Variants in GNPTAB observed in about 807,000 individuals in gnomAD.
GNPTAB encodes N-acetylglucosamine-1-phosphate transferase subunits alpha and beta.
Under a neutral mutation model 136.6 loss-of-function variants are expected in GNPTAB, and 92 were observed. The ratio of observed to expected loss-of-function variants is 0.67; its 90% CI spans 0.57 to 0.80. The LOEUF (loss-of-function observed/expected upper bound fraction) is 0.80, where lower values mean the gene tolerates loss of function less well. Ranked by LOEUF, GNPTAB falls within the 30% of genes least tolerant of loss-of-function variation. The pLI is 0.00. For synonymous variants in GNPTAB, 512 were observed against 535.1 expected (o/e 0.96, Z 0.60); for missense variants, 1,343 against 1,501.8 (o/e 0.89, Z 1.75).
At chr12:101,762,904 A>T (rs1485879395) in intron 13 of GNPTAB, among the ~76,000 whole-genome samples, 7 of 39,604 alleles carry the variant, frequency 1.8e-4, no homozygotes, top group African/African-American at 2.7e-4. Context: ...TTGTAAATTT[A>T]AAAAAAAAAA....
chr12:101,789,994 T>C lies in GNPTAB; in HGVS notation c.267A>G (p.Leu89=). 6.2e-7 allele frequency: 1 copy of C among 1,614,162 alleles called. No individual in the cohort carries two copies. Among genetic ancestry groups the C allele is most frequent in the Non-Finnish European group, 8.5e-7 (1 of 1,180,002 alleles). ...YTWVNGTDLE[L]LKELQQVREQ... ...CTCTGACCTGCTGTAGTTCCTTCAGTAGTTCAAGATCTGTGCCATTCACCC... is the reference window on the plus strand; with the variant it reads ...CTCTGACCTGCTGTAGTTCCTTCAGCAGTTCAAGATCTGTGCCATTCACCC... The change falls in exon 3 of 21, where the codon CTA becomes CTG. Residue 89 remains leucine (L), a synonymous_variant. Transcript: ENST00000299314.
At chr12:101,757,433 T>G (rs1218949234) in intron 17 of GNPTAB, 123 bp from the exon 18 acceptor site, 5 of 765,558 alleles carry the variant, frequency 6.5e-6, no homozygotes, top group East Asian at 5.3e-5. Flanking sequence ...AACTTAAACT[T>G]TTAATACTAC....
intron 1 of GNPTAB, among the ~76,000 whole-genome samples, chr12:101,812,269 TAAAC>T (rs1323485504): frequency 6.6e-6 from 1 of 151,716 alleles, no homozygotes; most frequent in Admixed American, 6.6e-5. Context: ...TAAATTAAAA[TAAAC>T]AACCAGATCT....
Position 101,761,169 on chromosome 12 carries a change from T to A in GNPTAB, c.3093A>T (p.Arg1031=). ...QSGVLSDREI[R]TLATRIHELP... The stretch of plus-strand genomic sequence containing the variant: ...GTTCGTGAATTCTGGTAGCCAGTGT[T>A]CGGATTTCTCTGTCAGACAAGACAC... Residue 1031 remains arginine, a synonymous_variant, in exon 15 of 21, where the codon CGA becomes CGT. Coordinates refer to ENST00000299314, the MANE Select transcript of GNPTAB (RefSeq NM_024312.5). 3 of 1,614,190 alleles carry A rather than the reference T, an allele frequency of 1.9e-6. No homozygotes were observed. The highest frequency in any genetic ancestry group is 2.5e-6 in the Non-Finnish European group (3 of 1,179,998).
intron 13 of GNPTAB, among the ~76,000 whole-genome samples, chr12:101,763,552 T>C (rs1953033873): frequency 6.6e-6 from 1 of 151,488 alleles, no homozygotes; most frequent in African/African-American, 2.4e-5. Flanking sequence ...AGCTAAGGAG[T>C]CCTCCCTCTG....
chr12:101,765,185 C>G lies in GNPTAB; in HGVS notation c.1732G>C (p.Gly578Arg). ...ATTATTGGATTGTCACTATAGGCAC[C>G]TTCAACTCCTCTTTTGGCTACTTCT... ...FAEVAKRGVE[G>R]AYSDNPIIRH... Residue 578 changes from glycine (G) to arginine (R), a missense_variant, in exon 13 of 21, where the codon GGT becomes CGT. By Grantham distance (125) the Gly-to-Arg change is moderately radical (BLOSUM62 -2). Transcript: ENST00000299314. 6.2e-7 allele frequency: 1 copy of G among 1,614,146 alleles called. No homozygotes were observed. Among genetic ancestry groups the G allele is most frequent in the Non-Finnish European group, 8.5e-7 (1 of 1,180,014 alleles).
chr12:101,805,077 GA>G (rs141869508), intron 1 of GNPTAB, among the ~76,000 whole-genome samples: 12 of 151,014 alleles, frequency 7.9e-5, no homozygotes, highest in African/African-American at 2.7e-4. Context: ...TATATCATGT[GA>G]AAAAAAAATT....
intron 1 of GNPTAB, among the ~76,000 whole-genome samples, chr12:101,811,638 C>CT (rs34690912): frequency 0.014 from 1,828 of 134,752 alleles, 12 homozygotes; most frequent in Middle Eastern, 0.034. Flanking sequence ...GTGCTACACA[C>CT]TTTTTTTTTT....
rs114026112 is a variant in GNPTAB, at chr12:101,823,218, A to G, written c.117+7341T>C. Among the ~76,000 whole-genome samples, 475 of 152,334 alleles carry G rather than the reference A, an allele frequency of 3.1e-3. 1 individual carries two copies. Among genetic ancestry groups the G allele is most frequent in the African/African-American group, 6.9e-3 (286 of 41,584 alleles). ...CTGGGCTTAGGAACGGAAAAGTGCC[A>G]TGATGAACAAGGCCGAGTCTTAGGA... On this transcript the variant is annotated intron_variant, in intron 1 of 20. Coordinates refer to ENST00000299314, the MANE Select transcript of GNPTAB (RefSeq NM_024312.5).
chr12:101,780,902 T>A (rs1953332656), intron 5 of GNPTAB, among the ~76,000 whole-genome samples: 1 of 152,034 alleles, frequency 6.6e-6, no homozygotes, highest in South Asian at 2.1e-4. Flanking sequence ...AAGACAGAAA[T>A]GATAGGATGA....
intron 19 of GNPTAB, 106 bp downstream of exon 19, chr12:101,753,261 AAAAAT>A: frequency 9.8e-7 from 1 of 1,024,886 alleles, no homozygotes; most frequent in East Asian, 2.6e-5. Context: ...CTCAAAAAAA[AAAAAT>A]AAAAAGAGAA....
Position 101,757,249 on chromosome 12 carries a change from CAT to C in GNPTAB, c.3395_3396del (p.His1132ArgfsTer7). On this transcript the variant is annotated frameshift_variant, in exon 18 of 21. Transcript: ENST00000299314. LOFTEE classifies it high-confidence loss of function. ...AFKMIRTNVS[H>X]VVGQLDDIRK... is the part of the protein sequence containing the mutation. ...CTTATGTCATCCAACTGGCCAACCA[CAT>C]GAGAAACGTTGGTACGAATCATTTT... The C allele has an allele frequency of 2.5e-6, 4 of 1,609,554 alleles. No homozygotes were observed. Among genetic ancestry groups the C allele is most frequent in the Non-Finnish European group, 3.4e-6 (4 of 1,176,438 alleles).
chr12:101,760,941 G>A (rs770636222), intron 15 of GNPTAB, among the ~76,000 whole-genome samples, 186 bp downstream of exon 15: 13 of 151,998 alleles, frequency 8.6e-5, no homozygotes, highest in South Asian at 2.1e-4. Flanking sequence ...CACCACATCC[G>A]GCTAATTTTT....
At chr12:101,765,380 C>G (rs972718703) in intron 12 of GNPTAB, 76 bp from the exon 13 acceptor site, 44 of 997,184 alleles carry the variant, frequency 4.4e-5, no homozygotes, top group Non-Finnish European at 5.7e-5. Flanking sequence ...TTCTTTGAGT[C>G]TGAGTTTTCA....
chr12:101,808,973 G>C (rs1870084353), intron 1 of GNPTAB, among the ~76,000 whole-genome samples: 1 of 152,096 alleles, frequency 6.6e-6, no homozygotes, highest in Non-Finnish European at 1.5e-5. Flanking sequence ...TCTGCTCTGG[G>C]AGACACTGTT....
chr12:101,795,160 G>A (rs1869207779), intron 2 of GNPTAB, among the ~76,000 whole-genome samples: 1 of 152,186 alleles, frequency 6.6e-6, no homozygotes, highest in Non-Finnish European at 1.5e-5. Context: ...CACCAGACCA[G>A]CAACTTTGGT....
At chr12:101,761,812 G>C in intron 13 of GNPTAB, 49 bp from the exon 14 acceptor site, 1 of 1,326,550 alleles carries the variant, frequency 7.5e-7, no homozygotes, top group Non-Finnish European at 1.1e-6. Flanking sequence ...TAGTGCACAA[G>C]TGTACTTTGT....
intron 7 of GNPTAB, among the ~76,000 whole-genome samples, chr12:101,776,461 T>C (rs151267680): frequency 6.6e-6 from 1 of 152,378 alleles, no homozygotes; most frequent in East Asian, 1.9e-4. Flanking sequence ...CAGAAAAGAC[T>C]GATTTATAAG....
chr12:101,769,152 T>A (rs1953135679), intron 10 of GNPTAB, among the ~76,000 whole-genome samples: 1 of 152,206 alleles, frequency 6.6e-6, no homozygotes, highest in Non-Finnish European at 1.5e-5. Flanking sequence ...AACTTATCAC[T>A]GAACCCTTCT....
Sources: allele counts gnomAD v4.1 joint callset (sites outside exome capture counted in the v4.1 genomes callset), GRCh38; gene constraint gnomAD v4.1.1; transcripts MANE v1.5; gene names NCBI Gene and HGNC (gene_info 2026-07-23, HGNC 2026-07-21).